Variants in FAM184A observed in about 807,000 individuals in gnomAD.
The protein encoded by FAM184A is protein FAM184A.
FAM184A carries 99 observed loss-of-function variants against 143.8 expected under a neutral mutation model. The ratio of observed to expected loss-of-function variants is 0.69; its 90% CI spans 0.58 to 0.81. The LOEUF (loss-of-function observed/expected upper bound fraction) is 0.81. Among genes scored for constraint, FAM184A ranks in the 40% least tolerant of loss-of-function variants. FAM184A has a pLI of 0.00. For missense variants in FAM184A, 1,217 were observed against 1,310.5 expected (o/e 0.93, Z 1.10); for synonymous variants, 427 against 446.4 (o/e 0.96, Z 0.55).
intron 1 of FAM184A, among the ~76,000 whole-genome samples, chr6:119,139,781 A>T (rs1157286815): frequency 6.6e-6 from 1 of 152,240 alleles, no homozygotes; most frequent in Admixed American, 6.5e-5. Context: ...CAGCTTTGAA[A>T]AAGAAGCAAA....
At chr6:118,994,730 TAAATAAAA>T (rs67730717) in intron 9 of FAM184A, among the ~76,000 whole-genome samples, 13,692 of 112,956 alleles carry the variant, frequency 0.12, 925 homozygotes, top group Non-Finnish European at 0.17. Context: ...AATAAATAAA[TAAATAAAA>T]AGCCAGAGGG....
chr6:119,139,551 A>G (rs808031), intron 1 of FAM184A, among the ~76,000 whole-genome samples: 18,872 of 152,038 alleles, frequency 0.12, 1,836 homozygotes, highest in African/African-American at 0.28. Context: ...ATTCAAGTGA[A>G]TAAGAAAAGA....
chr6:119,006,285 C>T, intron 7 of FAM184A, 162 bp downstream of exon 7: 2 of 776,340 alleles, frequency 2.6e-6, no homozygotes, highest in South Asian at 1.6e-5. Context: ...GAATAAATTT[C>T]TGTTGTTTTA....
At chr6:119,069,629 C>G (rs568564490) in intron 1 of FAM184A, among the ~76,000 whole-genome samples, 8 of 152,112 alleles carry the variant, frequency 5.3e-5, no homozygotes, top group Non-Finnish European at 1.2e-4. Flanking sequence ...TATCAGCATT[C>G]ATGGATTTGG....
chr6:119,069,555 C>T (rs1413048817), intron 1 of FAM184A, among the ~76,000 whole-genome samples: 1 of 152,136 alleles, frequency 6.6e-6, no homozygotes, highest in African/African-American at 2.4e-5. Flanking sequence ...TGCGACACTT[C>T]ATTTTATAAG....
chr6:119,108,665 G>T (rs1219338467), intron 1 of FAM184A, among the ~76,000 whole-genome samples: 1 of 152,138 alleles, frequency 6.6e-6, no homozygotes, highest in African/African-American at 2.4e-5. Context: ...AGGTTGGGTT[G>T]GTTCCCTCTT....
intron 1 of FAM184A, among the ~76,000 whole-genome samples, chr6:119,071,925 G>C (rs1222326327): frequency 6.8e-6 from 1 of 147,596 alleles, no homozygotes; most frequent in African/African-American, 2.5e-5. Context: ...GAGTGCAGTG[G>C]CATGATCTCA....
chr6:119,092,005 A>G (rs1788381954), intron 1 of FAM184A, among the ~76,000 whole-genome samples: 2 of 152,326 alleles, frequency 1.3e-5, no homozygotes, highest in Middle Eastern at 6.8e-3. Context: ...CCCAAGGGGT[A>G]GCCTCTTTTC....
intron 1 of FAM184A, among the ~76,000 whole-genome samples, chr6:119,124,884 T>A (rs1562160206): frequency 6.6e-6 from 1 of 152,172 alleles, no homozygotes; most frequent in African/African-American, 2.4e-5. Context: ...ATGTAGCTGA[T>A]GAGAGAGATA....
intron 1 of FAM184A, among the ~76,000 whole-genome samples, chr6:119,126,159 T>C (rs1174700240): frequency 6.6e-6 from 1 of 152,222 alleles, no homozygotes; most frequent in Non-Finnish European, 1.5e-5. Context: ...AGGACTGTGA[T>C]TGCCACCTTC....
At chr6:119,091,742 C>A (rs528130267) in intron 1 of FAM184A, among the ~76,000 whole-genome samples, 1 of 152,206 alleles carries the variant, frequency 6.6e-6, no homozygotes, top group Non-Finnish European at 1.5e-5. Context: ...GATGAGGGAT[C>A]GGATGCAATC....
intron 6 of FAM184A, among the ~76,000 whole-genome samples, chr6:119,008,584 A>T (rs531723861): frequency 3.5e-4 from 53 of 151,846 alleles, no homozygotes; most frequent in Admixed American, 1.9e-3. Context: ...GAGTCAATAA[A>T]TTTTTTTTTC....
At position 118,991,008 on chromosome 6, in the gene FAM184A, C is replaced by A. The variant is rs1349817246; in HGVS notation, c.2089-10658G>T. Among the ~76,000 whole-genome samples the A allele has an allele frequency of 2.0e-5, 3 of 151,316 alleles. No homozygotes were observed. In the South Asian group the frequency reaches 6.3e-4, roughly 32 times the overall value. On this transcript the variant is annotated intron_variant, in intron 9 of 17. Transcript: ENST00000338891. The stretch of plus-strand genomic sequence containing the variant: ...AACTTATTCAACTATGTATCTCACC[C>A]TGTATAAATTTTATACATTTATTTA...
intron 1 of FAM184A, among the ~76,000 whole-genome samples, chr6:119,142,610 C>A (rs1455874418): frequency 6.6e-6 from 1 of 152,178 alleles, no homozygotes; most frequent in East Asian, 1.9e-4. Context: ...ATTCAGAAGA[C>A]AAACAAGCTA....
chr6:118,965,657 T>C (rs1783480420), intron 15 of FAM184A, among the ~76,000 whole-genome samples: 1 of 152,176 alleles, frequency 6.6e-6, no homozygotes, highest in Non-Finnish European at 1.5e-5. Flanking sequence ...TCTTGACCTA[T>C]GTGCCTCACA....
chr6:119,125,495 A>T (rs1268104546), intron 1 of FAM184A, among the ~76,000 whole-genome samples: 4 of 151,992 alleles, frequency 2.6e-5, no homozygotes, highest in African/African-American at 9.7e-5. Flanking sequence ...CTGGTCTCGA[A>T]CTCCTGACCT....
chr6:119,099,517 A>G (rs1048994409), intron 1 of FAM184A, among the ~76,000 whole-genome samples: 6 of 152,106 alleles, frequency 3.9e-5, no homozygotes, highest in Admixed American at 6.5e-5. Flanking sequence ...CCATTTCAAA[A>G]GGGGTCCTGC....
chr6:119,141,795 A>T (rs1015464749), intron 1 of FAM184A, among the ~76,000 whole-genome samples: 1 of 152,180 alleles, frequency 6.6e-6, no homozygotes, highest in Non-Finnish European at 1.5e-5. Context: ...CCTTAAAAAA[A>T]AAGTACATCT....
In FAM184A at chr6:118,972,300, G is replaced by A. The variant is rs546772145; in HGVS notation, c.2915+2128C>T. ...CAGCTCCTCAGTTATGCTAATCACC[G>A]TTCAAGCATTCAAGAGCCATTTTTA... is the stretch of plus-strand genomic sequence containing the variant. On this transcript the variant is annotated intron_variant, in intron 14 of 17. Coordinates refer to ENST00000338891, the MANE Select transcript of FAM184A (RefSeq NM_024581.6). 3.5e-4 allele frequency among the ~76,000 whole-genome samples: 53 copies of A among 152,258 alleles called. 1 individual carries two copies. Among genetic ancestry groups the A allele is most frequent in the South Asian group, 1.9e-3 (9 of 4,820 alleles).
Sources: allele counts gnomAD v4.1 joint callset (sites outside exome capture counted in the v4.1 genomes callset), GRCh38; gene constraint gnomAD v4.1.1; transcripts MANE v1.5; gene names NCBI Gene and HGNC (gene_info 2026-07-23, HGNC 2026-07-21).